Variants in MEIS2 observed in about 807,000 individuals in gnomAD.
MEIS2 encodes Meis homeobox 2.
A neutral mutation model predicts 58.6 loss-of-function variants in MEIS2; 9 were observed. That is an observed-to-expected ratio of 0.15 (90% CI 0.09 to 0.27). The LOEUF (loss-of-function observed/expected upper bound fraction) is 0.27. MEIS2 is among the 10% of genes least tolerant of loss of function. MEIS2 has a pLI of 1.00. For synonymous variants in MEIS2, 221 were observed against 228.4 expected (o/e 0.97, Z 0.29); for missense variants, 427 against 635.0 (o/e 0.67, Z 3.52).
At chr15:36,987,612 A>G (rs149088279) in intron 8 of MEIS2, among the ~76,000 whole-genome samples, 194 of 152,212 alleles carry the variant, frequency 1.3e-3, no homozygotes, top group African/African-American at 4.3e-3. Flanking sequence ...AACTGGCTAA[A>G]TAAATGGTCA....
intron 7 of MEIS2, among the ~76,000 whole-genome samples, chr15:37,063,208 T>C (rs1889462368): frequency 6.6e-6 from 1 of 152,196 alleles, no homozygotes; most frequent in Non-Finnish European, 1.5e-5. Context: ...TTTTGTTTTT[T>C]CTTTTAGAGA....
At chr15:37,092,034 A>C (rs1286047744) in intron 6 of MEIS2, among the ~76,000 whole-genome samples, 1 of 152,242 alleles carries the variant, frequency 6.6e-6, no homozygotes, top group Non-Finnish European at 1.5e-5. Context: ...CAGATCAGCA[A>C]ATAAACTTTC....
At chr15:37,031,813 CTTTG>C (rs1237016203) in intron 8 of MEIS2, among the ~76,000 whole-genome samples, 22 of 106,616 alleles carry the variant, frequency 2.1e-4, no homozygotes, top group East Asian at 6.7e-4. Flanking sequence ...TATTACATCA[CTTTG>C]TGTGTGTGTG....
intron 8 of MEIS2, among the ~76,000 whole-genome samples, chr15:37,033,581 T>G (rs548798847): frequency 6.6e-6 from 1 of 152,200 alleles, no homozygotes; most frequent in Admixed American, 6.5e-5. Context: ...GCATATTGAA[T>G]CATGCACTTG....
intron 7 of MEIS2, among the ~76,000 whole-genome samples, chr15:37,076,330 A>G (rs1269161989): frequency 6.6e-6 from 1 of 152,060 alleles, no homozygotes; most frequent in Non-Finnish European, 1.5e-5. Context: ...TGAAGGGAAA[A>G]ATAGAACACG....
intron 7 of MEIS2, among the ~76,000 whole-genome samples, chr15:37,072,430 T>G (rs1890828434): frequency 6.6e-6 from 1 of 152,090 alleles, no homozygotes; most frequent in Non-Finnish European, 1.5e-5. Flanking sequence ...TCTACAGGAT[T>G]AAGCATAAGC....
chr15:37,089,248 A>C (rs1893247289), intron 6 of MEIS2, among the ~76,000 whole-genome samples: 1 of 152,170 alleles, frequency 6.6e-6, no homozygotes, highest in Non-Finnish European at 1.5e-5. Context: ...CAAATAAAAT[A>C]AAGCATTCAT....
intron 6 of MEIS2, among the ~76,000 whole-genome samples, chr15:37,089,054 A>G (rs1893220884): frequency 6.6e-6 from 1 of 152,132 alleles, no homozygotes; most frequent in Non-Finnish European, 1.5e-5. Context: ...TTAATGGGGA[A>G]TTAAGAAAGC....
At chr15:37,046,318 G>A (rs2062668516) in intron 7 of MEIS2, among the ~76,000 whole-genome samples, 1 of 152,196 alleles carries the variant, frequency 6.6e-6, no homozygotes, top group Non-Finnish European at 1.5e-5. Context: ...ACAGGCAGCT[G>A]CAAAGCAGAC....
At chr15:36,942,545 C>T (rs568860712) in intron 9 of MEIS2, among the ~76,000 whole-genome samples, 4 of 152,182 alleles carry the variant, frequency 2.6e-5, no homozygotes, top group East Asian at 1.9e-4. Context: ...CTCAAGATCA[C>T]GAGGTTAATA....
intron 9 of MEIS2, chr15:36,901,023 A>G (rs1326257834): frequency 1.3e-5 from 2 of 152,102 alleles, no homozygotes; most frequent in Non-Finnish European, 2.9e-5. Context: ...ATCCCTGAAC[A>G]CTCTGAGGAG....
intron 8 of MEIS2, among the ~76,000 whole-genome samples, chr15:37,032,694 T>A (rs1374514351): frequency 2.0e-5 from 3 of 152,150 alleles, no homozygotes; most frequent in Admixed American, 2.0e-4. Flanking sequence ...ACAGAAAGTT[T>A]TTGCTAGTTG....
chr15:37,040,405 C>T (rs1595988593), intron 7 of MEIS2, among the ~76,000 whole-genome samples: 1 of 152,098 alleles, frequency 6.6e-6, no homozygotes, highest in African/African-American at 2.4e-5. Flanking sequence ...CCAACCCCCA[C>T]GGTGGGGCAA....
At chr15:36,903,996 T>G (rs950160135) in intron 9 of MEIS2, 2 of 152,234 alleles carry the variant, frequency 1.3e-5, no homozygotes, top group East Asian at 1.9e-4. Flanking sequence ...CAGAAGAAGA[T>G]GTAGGCTGAT....
intron 8 of MEIS2, among the ~76,000 whole-genome samples, chr15:37,019,202 C>G (rs920822655): frequency 2.6e-5 from 4 of 152,132 alleles, no homozygotes; most frequent in African/African-American, 9.7e-5. Context: ...TTAAATAACT[C>G]ATCCAAATAA....
intron 8 of MEIS2, among the ~76,000 whole-genome samples, chr15:37,016,407 C>A (rs2141655372): frequency 6.6e-6 from 1 of 151,838 alleles, no homozygotes; most frequent in African/African-American, 2.4e-5. Flanking sequence ...TGTTGGTAAG[C>A]CTCCAGTTTG....
At chr15:36,967,976 C>A (rs2059411534) in intron 8 of MEIS2, among the ~76,000 whole-genome samples, 1 of 152,146 alleles carries the variant, frequency 6.6e-6, no homozygotes, top group Non-Finnish European at 1.5e-5. Flanking sequence ...ATTGCCGCTG[C>A]AATCATGGAG....
intron 8 of MEIS2, among the ~76,000 whole-genome samples, chr15:36,957,393 T>A (rs1414659500): frequency 6.6e-6 from 1 of 152,226 alleles, no homozygotes; most frequent in Non-Finnish European, 1.5e-5. Flanking sequence ...TTAGGGTTAT[T>A]TGAATTCAGT....
At chr15:37,046,974 C>T (rs1323564742) in intron 7 of MEIS2, among the ~76,000 whole-genome samples, 1 of 151,872 alleles carries the variant, frequency 6.6e-6, no homozygotes, top group African/African-American at 2.4e-5. Flanking sequence ...ACTGACTGAC[C>T]CTAGTAGAAA....
Sources: gnomAD v4.1 joint callset for allele counts (sites outside exome capture counted in the v4.1 genomes callset) on GRCh38, gnomAD v4.1.1 for gene constraint, MANE v1.5 for transcripts, NCBI Gene and HGNC (gene_info 2026-07-23, HGNC 2026-07-21) for gene names.